Variants in UNC5D observed in about 807,000 individuals in gnomAD.
UNC5D encodes unc-5 netrin receptor D, also known as netrin receptor UNC5D.
UNC5D carries 39 observed loss-of-function variants against 105.4 expected under a neutral mutation model. The observed-to-expected ratio is 0.37, with a 90% CI of 0.29 to 0.48. The LOEUF (loss-of-function observed/expected upper bound fraction) is 0.48, where lower values mean the gene tolerates loss of function less well. Ranked by LOEUF, UNC5D falls within the 20% of genes least tolerant of loss-of-function variation. The pLI is 0.98. For synonymous variants in UNC5D, 452 were observed against 450.4 expected, an observed-to-expected ratio of 1.00 and a Z score of -0.04; for missense variants, 991 against 1,202.4, an observed-to-expected ratio of 0.82 and a Z score of 2.60.
chr8:35,715,171 AG>A (rs1384891796), intron 8 of UNC5D, among the ~76,000 whole-genome samples: 4 of 152,246 alleles, frequency 2.6e-5, no homozygotes, highest in African/African-American at 2.4e-5. Flanking sequence ...AACAAAAAAA[AG>A]AATGAAGTAG....
intron 1 of UNC5D, among the ~76,000 whole-genome samples, chr8:35,323,618 T>C (rs551749371): frequency 6.6e-6 from 1 of 152,312 alleles, no homozygotes; most frequent in South Asian, 2.1e-4. Flanking sequence ...ATTTATAGTG[T>C]GTGAATTAAT....
At chr8:35,249,593 AATAATAAT>A (rs1803552473) in intron 1 of UNC5D, among the ~76,000 whole-genome samples, 4 of 138,492 alleles carry the variant, frequency 2.9e-5, no homozygotes, top group Non-Finnish European at 4.7e-5. Flanking sequence ...TAATAATAAT[AATAATAAT>A]AAAATAAATA....
chr8:35,715,711 G>C (rs73584844), intron 8 of UNC5D, among the ~76,000 whole-genome samples: 7,707 of 152,106 alleles, frequency 0.051, 402 homozygotes, highest in Admixed American at 0.11. Context: ...AGGCCCAGCT[G>C]TGGAGGAAAA....
chr8:35,656,753 T>C (rs1823762976), intron 4 of UNC5D, among the ~76,000 whole-genome samples: 1 of 152,098 alleles, frequency 6.6e-6, no homozygotes, highest in Admixed American at 6.6e-5. Flanking sequence ...ATGTGTAAAG[T>C]ATCTACTCTA....
At chr8:35,690,042 TACA>T (rs1826279769) in intron 7 of UNC5D, among the ~76,000 whole-genome samples, 1 of 152,240 alleles carries the variant, frequency 6.6e-6, no homozygotes, top group Non-Finnish European at 1.5e-5. Context: ...TTGAAAATGC[TACA>T]TAAGCCTTTT....
intron 1 of UNC5D, among the ~76,000 whole-genome samples, chr8:35,393,161 G>A (rs1325590911): frequency 8.3e-6 from 1 of 120,990 alleles, no homozygotes. Flanking sequence ...TTGAGACGGA[G>A]TCTCGCTGTC....
At chr8:35,295,972 G>A (rs1807454565) in intron 1 of UNC5D, among the ~76,000 whole-genome samples, 1 of 152,134 alleles carries the variant, frequency 6.6e-6, no homozygotes, top group Non-Finnish European at 1.5e-5. Context: ...ATTCCCTGCA[G>A]GTTCATCTAT....
chr8:35,269,425 C>G (rs1016715961), intron 1 of UNC5D, among the ~76,000 whole-genome samples: 1 of 152,180 alleles, frequency 6.6e-6, no homozygotes, highest in African/African-American at 2.4e-5. Flanking sequence ...TTCAAATGCT[C>G]GCTTCTTCAT....
At chr8:35,450,022 A>G (rs1808042965) in intron 1 of UNC5D, among the ~76,000 whole-genome samples, 1 of 152,016 alleles carries the variant, frequency 6.6e-6, no homozygotes. Context: ...ATCTCTTTCC[A>G]CACTCTAGTC....
At chr8:35,607,087 C>T (rs1213541401) in intron 4 of UNC5D, among the ~76,000 whole-genome samples, 3 of 152,140 alleles carry the variant, frequency 2.0e-5, no homozygotes, top group African/African-American at 7.2e-5. Flanking sequence ...TCATTTGCTT[C>T]TGAGGGTGCT....
At chr8:35,618,420 G>A (rs1429773492) in intron 4 of UNC5D, among the ~76,000 whole-genome samples, 2 of 152,090 alleles carry the variant, frequency 1.3e-5, no homozygotes, top group Admixed American at 6.6e-5. Flanking sequence ...GCTATAGATC[G>A]GTGATGGTAA....
At chr8:35,406,250 C>G (rs1456219861) in intron 1 of UNC5D, among the ~76,000 whole-genome samples, 2 of 152,070 alleles carry the variant, frequency 1.3e-5, no homozygotes, top group Admixed American at 1.3e-4. Flanking sequence ...CAAAAGATGA[C>G]AATACTTGGT....
intron 4 of UNC5D, among the ~76,000 whole-genome samples, chr8:35,621,330 ATCTC>A (rs1268599726): frequency 6.6e-6 from 1 of 152,116 alleles, no homozygotes; most frequent in African/African-American, 2.4e-5. Flanking sequence ...ATCACGCCTC[ATCTC>A]TCTCTATAAC....
chr8:35,423,430 T>C (rs1806040206), intron 1 of UNC5D, among the ~76,000 whole-genome samples: 1 of 152,182 alleles, frequency 6.6e-6, no homozygotes, highest in Non-Finnish European at 1.5e-5. Context: ...TATAATAGAT[T>C]GTCTTTTACA....
At chr8:35,611,033 G>C (rs1449125524) in intron 4 of UNC5D, among the ~76,000 whole-genome samples, 1 of 105,458 alleles carries the variant, frequency 9.5e-6, no homozygotes, top group Non-Finnish European at 2.0e-5. Flanking sequence ...AAAAAAAAAA[G>C]TGCAAAACAT....
chr8:35,507,914 A>G (rs907602394), intron 1 of UNC5D, among the ~76,000 whole-genome samples: 14 of 152,106 alleles, frequency 9.2e-5, no homozygotes, highest in African/African-American at 3.4e-4. Flanking sequence ...ATTAAAAATT[A>G]TTTTTTTAAA....
At chr8:35,463,033 G>T (rs1212812074) in intron 1 of UNC5D, among the ~76,000 whole-genome samples, 1 of 152,128 alleles carries the variant, frequency 6.6e-6, no homozygotes, top group South Asian at 2.1e-4. Flanking sequence ...TCTTTGGATT[G>T]GATAGAGGCT....
In UNC5D at chr8:35,684,566, C is replaced by A; in HGVS notation, c.752-16C>A. The A allele has an allele frequency of 1.9e-6, 3 of 1,607,276 alleles. No individual in the cohort carries two copies. Among genetic ancestry groups the A allele is most frequent in the Non-Finnish European group, 2.5e-6 (3 of 1,177,828 alleles). On this transcript the variant is annotated splice_polypyrimidine_tract_variant and intron_variant, in intron 5 of 16. Transcript: ENST00000404895. ...CTCTCTCCTTTTTTTCTCCCCTCCCCATTTTTCTCTCTCAGTGAATGGAGG... is the reference window on the plus strand; with the variant it reads ...CTCTCTCCTTTTTTTCTCCCCTCCCAATTTTTCTCTCTCAGTGAATGGAGG...
At chr8:35,257,128 C>T (rs570639812) in intron 1 of UNC5D, among the ~76,000 whole-genome samples, 28 of 151,994 alleles carry the variant, frequency 1.8e-4, no homozygotes, top group African/African-American at 5.3e-4. Context: ...CGCACCACCA[C>T]GCCCAGCTAA....
Sources: gnomAD v4.1 joint callset for allele counts (sites outside exome capture counted in the v4.1 genomes callset) on GRCh38, gnomAD v4.1.1 for gene constraint, MANE v1.5 for transcripts, NCBI Gene and HGNC (gene_info 2026-07-23, HGNC 2026-07-21) for gene names.